ATP10D: variants seen among roughly 807,000 people sequenced by gnomAD.
ATP10D encodes the protein ATPase phospholipid transporting 10D (putative), also known as phospholipid-transporting ATPase VD.
A neutral mutation model predicts 144.8 loss-of-function variants in ATP10D; 89 were observed. The ratio of observed to expected loss-of-function variants is 0.61; its 90% CI spans 0.52 to 0.73. The LOEUF (loss-of-function observed/expected upper bound fraction) is 0.73. ATP10D is among the 30% of genes least tolerant of loss of function. ATP10D has a pLI of 0.00. For synonymous variants in ATP10D, 571 were observed against 615.1 expected, an observed-to-expected ratio of 0.93 and a Z score of 1.06; for missense variants, 1,603 against 1,714.8, an observed-to-expected ratio of 0.93 and a Z score of 1.15.
chr4:47,563,060 G>T (rs1719406328), intron 14 of ATP10D, among the ~76,000 whole-genome samples: 1 of 152,118 alleles, frequency 6.6e-6, no homozygotes, highest in African/African-American at 2.4e-5. Context: ...AGACATTGGA[G>T]ACTCAGAAAA....
intron 21 of ATP10D, among the ~76,000 whole-genome samples, chr4:47,586,125 G>T (rs567978034): frequency 6.6e-6 from 1 of 152,126 alleles, no homozygotes; most frequent in African/African-American, 2.4e-5. Flanking sequence ...AATGTACAAG[G>T]GTTCCCTTTT....
At chr4:47,543,254 A>G (rs1312283815) in intron 9 of ATP10D, among the ~76,000 whole-genome samples, 3 of 152,156 alleles carry the variant, frequency 2.0e-5, no homozygotes, top group Non-Finnish European at 1.5e-5. Context: ...TTTAGGGTTC[A>G]ATACTATCCG....
intron 21 of ATP10D, among the ~76,000 whole-genome samples, chr4:47,586,237 G>A (rs1363913932): frequency 6.6e-6 from 1 of 152,134 alleles, no homozygotes; most frequent in Non-Finnish European, 1.5e-5. Flanking sequence ...TTTCTTTCTA[G>A]ATAAAGTTAC....
At position 47,561,029 on chromosome 4, in the gene ATP10D, A is replaced by G. The variant is rs1719268549; in HGVS notation, c.2622A>G (p.Leu874=). ...AETSIDNREE[L]LLESAMRLEN... The stretch of plus-strand genomic sequence containing the variant: ...CCAGCATTGACAACAGGGAAGAATT[A>G]CTACTTGAATCTGCCATGAGGTTGG... The change falls in exon 14 of 23, where the codon TTA becomes TTG. Residue 874 remains leucine (L), a synonymous_variant. Transcript: ENST00000273859. 1 of 1,614,056 alleles carries G rather than the reference A, an allele frequency of 6.2e-7. No homozygotes were observed. The highest frequency in any genetic ancestry group is 1.7e-5 in the Admixed American group (1 of 60,010).
intron 10 of ATP10D, among the ~76,000 whole-genome samples, chr4:47,554,387 G>A (rs964272394): frequency 2.0e-5 from 3 of 152,170 alleles, no homozygotes; most frequent in East Asian, 3.8e-4. Flanking sequence ...GACCGAGGTA[G>A]AATTCTGGGC....
intron 5 of ATP10D, among the ~76,000 whole-genome samples, chr4:47,532,410 A>C (rs992642137): frequency 1.3e-5 from 2 of 152,186 alleles, no homozygotes; most frequent in Non-Finnish European, 2.9e-5. Flanking sequence ...TTTTCTGACT[A>C]TCATGACCTG....
Position 47,536,078 on chromosome 4 carries a change from T to C in ATP10D, c.1015+45T>C, listed in dbSNP as rs202158044. 13 of 1,566,970 alleles carry C rather than the reference T, an allele frequency of 8.3e-6. No homozygotes were observed. The Admixed American group carries it at 1.6e-4, about 19-fold the overall frequency. ...TTGCTGACATCTTTTCAGCAAGATA[T>C]TAAAGTATTTTATTTCAAAATTATA... On this transcript the variant is annotated intron_variant, in intron 7 of 22. Coordinates refer to ENST00000273859, the MANE Select transcript of ATP10D (RefSeq NM_020453.4).
intron 1 of ATP10D, among the ~76,000 whole-genome samples, chr4:47,504,251 T>G (rs1476346817): frequency 2.0e-5 from 3 of 152,222 alleles, no homozygotes; most frequent in Non-Finnish European, 4.4e-5. Flanking sequence ...CTTACCTTCT[T>G]TTCCAAAGAT....
chr4:47,541,185 G>C (rs1284251323), intron 9 of ATP10D, among the ~76,000 whole-genome samples: 1 of 152,162 alleles, frequency 6.6e-6, no homozygotes, highest in Non-Finnish European at 1.5e-5. Flanking sequence ...ACAGCAAATG[G>C]CACAAAATGA....
At chr4:47,516,223 G>A (rs1487048250) in intron 3 of ATP10D, among the ~76,000 whole-genome samples, 3 of 150,100 alleles carry the variant, frequency 2.0e-5, no homozygotes, top group Non-Finnish European at 4.4e-5. Flanking sequence ...CATCCTGGGC[G>A]ACAGAGTGAG....
chr4:47,536,457 A>G lies in ATP10D; in HGVS notation c.1036A>G (p.Arg346Gly). 6.2e-7 allele frequency: 1 copy of G among 1,613,572 alleles called. No homozygotes were observed. The highest frequency in any genetic ancestry group is 8.5e-7 in the Non-Finnish European group (1 of 1,179,658). Residue 346 changes from arginine to glycine, a missense_variant, in exon 8 of 23, where the codon AGG becomes GGG. By Grantham distance (125) the Arg-to-Gly change is moderately radical. Transcript: ENST00000273859. ...GAVGHGIWLSRYEKMHFFNVP... is the reference protein window; with the variant it reads ...GAVGHGIWLSGYEKMHFFNVP... ...GAAAGGTCATGGAATCTGGCTGAGC[A>G]GGTATGAAAAGATGCATTTTTTCAA...
At chr4:47,554,400 A>G (rs1718872053) in intron 10 of ATP10D, among the ~76,000 whole-genome samples, 1 of 152,224 alleles carries the variant, frequency 6.6e-6, no homozygotes, top group Non-Finnish European at 1.5e-5. Context: ...TTCTGGGCTC[A>G]ATAAAATCTA....
chr4:47,572,644 C>CGTGTGTGT (rs72171059), intron 17 of ATP10D, among the ~76,000 whole-genome samples: 16,005 of 145,116 alleles, frequency 0.11, 992 homozygotes, highest in South Asian at 0.16. Context: ...TTTGTGCGCA[C>CGTGTGTGT]GTGTGTGTGT....
chr4:47,486,078 A>G (rs532875552), intron 1 of ATP10D, among the ~76,000 whole-genome samples: 10 of 152,320 alleles, frequency 6.6e-5, no homozygotes, highest in Middle Eastern at 6.8e-3. Flanking sequence ...TTTCTCGGAA[A>G]TAGTTTTCAA....
intron 1 of ATP10D, among the ~76,000 whole-genome samples, chr4:47,492,029 G>A (rs1036910665): frequency 2.0e-5 from 3 of 152,152 alleles, no homozygotes; most frequent in African/African-American, 7.2e-5. Context: ...CTCCTAGAAG[G>A]CAGATAATTT....
intron 5 of ATP10D, among the ~76,000 whole-genome samples, chr4:47,533,915 C>A (rs1452163505): frequency 1.3e-5 from 2 of 152,090 alleles, no homozygotes; most frequent in Non-Finnish European, 2.9e-5. Flanking sequence ...TTAAATGAGT[C>A]ACAACCACAA....
intron 1 of ATP10D, among the ~76,000 whole-genome samples, chr4:47,486,160 G>A (rs1175416435): frequency 6.6e-6 from 1 of 152,126 alleles, no homozygotes; most frequent in East Asian, 1.9e-4. Context: ...GTTATTCGGG[G>A]CACCCTTTAT....
chr4:47,525,026 C>T (rs1717168341), intron 4 of ATP10D, among the ~76,000 whole-genome samples: 1 of 152,086 alleles, frequency 6.6e-6, no homozygotes, highest in Admixed American at 6.6e-5. Flanking sequence ...TACAAAGGCA[C>T]TTTGCTTATT....
chr4:47,509,514 C>CATAT (rs573513716), intron 1 of ATP10D, among the ~76,000 whole-genome samples: 22 of 152,310 alleles, frequency 1.4e-4, no homozygotes, highest in African/African-American at 4.8e-4. Flanking sequence ...AGGTAATTAA[C>CATAT]ATATGTATTA....
Sources: allele counts gnomAD v4.1 joint callset (sites outside exome capture counted in the v4.1 genomes callset), GRCh38; gene constraint gnomAD v4.1.1; transcripts MANE v1.5; gene names NCBI Gene and HGNC (gene_info 2026-07-23, HGNC 2026-07-21).